Variants in AK4 observed in about 807,000 individuals in gnomAD.
AK4 encodes the protein adenylate kinase 4.
Under a neutral mutation model 24.6 loss-of-function variants are expected in AK4, and 13 were observed. That is an observed-to-expected ratio of 0.53 (90% CI 0.34 to 0.84). The LOEUF (loss-of-function observed/expected upper bound fraction) is 0.84, where lower values mean the gene tolerates loss of function less well. AK4 is among the 40% of genes least tolerant of loss of function. AK4 has a pLI of 0.01. For missense variants in AK4, 192 were observed against 288.2 expected (o/e 0.67, Z 2.42); for synonymous variants, 88 against 107.0 (o/e 0.82, Z 1.10).
At chr1:65,150,775 T>A (rs936315555) in intron 1 of AK4, among the ~76,000 whole-genome samples, 1 of 152,178 alleles carries the variant, frequency 6.6e-6, no homozygotes, top group Non-Finnish European at 1.5e-5. Flanking sequence ...GGAATTTGAA[T>A]TGGAAAGTAG....
At chr1:65,148,811 G>C (rs536034436) in intron 1 of AK4, among the ~76,000 whole-genome samples, 4 of 152,154 alleles carry the variant, frequency 2.6e-5, no homozygotes, top group African/African-American at 9.6e-5. Context: ...GGAATAGCCC[G>C]AGCCACCCGG....
chr1:65,202,998 G>A (rs1432930763), intron 2 of AK4, among the ~76,000 whole-genome samples: 1 of 149,142 alleles, frequency 6.7e-6, no homozygotes, highest in Non-Finnish European at 1.5e-5. Context: ...TCAGCTCCCT[G>A]AGTAGCTGAG....
chr1:65,152,358 C>CTATATA (rs1439853968), intron 1 of AK4, among the ~76,000 whole-genome samples: 31 of 30,488 alleles, frequency 1.0e-3, no homozygotes, highest in East Asian at 1.2e-3. Flanking sequence ...CTCTCTCTCT[C>CTATATA]TCTATATATA....
chr1:65,194,529 T>G (rs1651409694), intron 2 of AK4, among the ~76,000 whole-genome samples: 1 of 152,198 alleles, frequency 6.6e-6, no homozygotes, highest in South Asian at 2.1e-4. Context: ...TGGCCTGATC[T>G]CAGCTCACTG....
chr1:65,168,203 A>G (rs1351704329), intron 1 of AK4, among the ~76,000 whole-genome samples: 1 of 144,322 alleles, frequency 6.9e-6, no homozygotes, highest in Non-Finnish European at 1.5e-5. Flanking sequence ...GCTGGAGTGC[A>G]ATGGTGCGAC....
At chr1:65,160,198 CTGTT>C (rs1327330961) in intron 1 of AK4, among the ~76,000 whole-genome samples, 1 of 152,076 alleles carries the variant, frequency 6.6e-6, no homozygotes, top group Non-Finnish European at 1.5e-5. Flanking sequence ...GTGTCTTAGT[CTGTT>C]TGTGTGGCTA....
upstream of AK4, chr1:65,148,080 C>G (rs1361867484): frequency 1.3e-5 from 4 of 312,392 alleles, no homozygotes; most frequent in Non-Finnish European, 2.3e-5. Context: ...GGGCCGACCT[C>G]TGACCCCTGG....
chr1:65,153,660 A>G (rs1649876072), intron 1 of AK4, among the ~76,000 whole-genome samples: 1 of 152,198 alleles, frequency 6.6e-6, no homozygotes, highest in South Asian at 2.1e-4. Context: ...AAATGAAAGC[A>G]GCAAGTAAAA....
chr1:65,182,056 C>G (rs1054574840), intron 1 of AK4, among the ~76,000 whole-genome samples: 1 of 152,180 alleles, frequency 6.6e-6, no homozygotes, highest in Non-Finnish European at 1.5e-5. Flanking sequence ...GCTGGGACTA[C>G]AGGTGTGTGC....
At chr1:65,221,482 G>A (rs1198787086) in intron 3 of AK4, among the ~76,000 whole-genome samples, 7 of 152,172 alleles carry the variant, frequency 4.6e-5, no homozygotes, top group Non-Finnish European at 1.0e-4. Flanking sequence ...GGGAGGTCAA[G>A]GCTGTAGTGA....
At chr1:65,191,747 G>C (rs1339636444) in intron 2 of AK4, among the ~76,000 whole-genome samples, 1 of 152,036 alleles carries the variant, frequency 6.6e-6, no homozygotes, top group African/African-American at 2.4e-5. Flanking sequence ...GGTATAATAT[G>C]ATCATATTTC....
At chr1:65,225,538 T>C (rs1652426593) in intron 4 of AK4, among the ~76,000 whole-genome samples, 1 of 152,204 alleles carries the variant, frequency 6.6e-6, no homozygotes, top group African/African-American at 2.4e-5. Flanking sequence ...GCAACATATT[T>C]AAATTTTTTA....
At chr1:65,216,869 ATTTTTAT>A (rs1652149184) in intron 2 of AK4, among the ~76,000 whole-genome samples, 1 of 123,876 alleles carries the variant, frequency 8.1e-6, no homozygotes, top group African/African-American at 5.5e-5. Context: ...CAATTTTTTA[ATTTTTAT>A]TTTTGGTAGA....
chr1:65,224,921 G>T (rs751132635), intron 4 of AK4, 51 bp downstream of exon 4: 5 of 1,456,748 alleles, frequency 3.4e-6, no homozygotes, highest in Non-Finnish European at 4.8e-6. Context: ...GAAAGGTGTG[G>T]AGCCTGCTGG....
chr1:65,163,520 A>G (rs1650236808), intron 1 of AK4, among the ~76,000 whole-genome samples: 1 of 152,260 alleles, frequency 6.6e-6, no homozygotes, highest in Non-Finnish European at 1.5e-5. Flanking sequence ...TGGTTGAAGT[A>G]TGGCCACTGG....
At chr1:65,153,591 G>T (rs535904177) in intron 1 of AK4, among the ~76,000 whole-genome samples, 1 of 152,160 alleles carries the variant, frequency 6.6e-6, no homozygotes, top group African/African-American at 2.4e-5. Context: ...TTTAGAAGTA[G>T]TTTTTTCTGA....
chr1:65,190,712 G>A lies in AK4; in HGVS notation c.148G>A (p.Val50Ile). ...LRENIKASTE[V>I]GEMAKQYIEK... ...TTTTTTTCTTGTCTTTTTAATAGAA[G>A]TTGGTGAGATGGCAAAGCAGTATAT... is the stretch of plus-strand genomic sequence containing the variant. The change falls in exon 2 of 5, where the codon GTT becomes ATT. Residue 50 changes from valine to isoleucine, a missense_variant and splice_region_variant. Physicochemically the swap from Val to Ile is conservative, Grantham distance 29. Coordinates refer to ENST00000327299, the MANE Select transcript of AK4 (RefSeq NM_013410.4). 2 of 1,609,266 alleles carry A rather than the reference G, an allele frequency of 1.2e-6. No individual in the cohort carries two copies. Among genetic ancestry groups the A allele is most frequent in the African/African-American group, 1.3e-5 (1 of 74,784 alleles).
At chr1:65,148,649 C>T (rs1649654208) in intron 1 of AK4, 97 bp downstream of exon 1, 6 of 1,418,788 alleles carry the variant, frequency 4.2e-6, no homozygotes, top group Admixed American at 2.8e-5. Flanking sequence ...CGCCCTTCCC[C>T]CGCCCGCGTG....
intron 3 of AK4, among the ~76,000 whole-genome samples, chr1:65,224,101 A>G (rs1207111110): frequency 6.6e-6 from 1 of 152,252 alleles, no homozygotes; most frequent in Admixed American, 6.5e-5. Flanking sequence ...AAGCTAAAAT[A>G]AAGGATTTAA....
Sources: allele counts gnomAD v4.1 joint callset (sites outside exome capture counted in the v4.1 genomes callset), GRCh38; gene constraint gnomAD v4.1.1; transcripts MANE v1.5; gene names NCBI Gene and HGNC (gene_info 2026-07-23, HGNC 2026-07-21).